DYSF: variants seen among roughly 807,000 people sequenced by gnomAD.
DYSF encodes the protein dysferlin.
DYSF carries 212 observed loss-of-function variants against 274.9 expected under a neutral mutation model. The observed-to-expected ratio is 0.77, with a 90% confidence interval of 0.69 to 0.86. The LOEUF (loss-of-function observed/expected upper bound fraction) is 0.86. DYSF is among the 40% of genes least tolerant of loss of function. The pLI is 0.00. For missense variants in DYSF, 2,666 were observed against 2,783.2 expected (o/e 0.96, Z 0.95); for synonymous variants, 1,091 against 1,078.7 (o/e 1.01, Z -0.22).
intron 46 of DYSF, 57 bp downstream of exon 46, chr2:71,664,495 T>C (rs887754478): frequency 4.4e-6 from 7 of 1,601,204 alleles, no homozygotes; most frequent in Middle Eastern, 4.0e-4. Flanking sequence ...CCCTGTCTTC[T>C]CTGACAACAC....
At position 71,481,903 on chromosome 2, in the gene DYSF, A is replaced by T; in HGVS notation, c.172A>T (p.Ile58Phe). Residue 58 changes from isoleucine to phenylalanine, a missense_variant, in exon 3 of 56, where the codon ATC (isoleucine) becomes TTC (phenylalanine). Physicochemically the swap from Ile to Phe is conservative, Grantham distance 21. Coordinates refer to ENST00000410020, the MANE Select transcript of DYSF (RefSeq NM_001130987.2). ...NEGFEWDLKG[I>F]PLDQGSELHV... ...GGGATTTGAATGGGACCTCAAGGGCATCCCCCTGGACCAGGGCTCTGAGCT... is the reference window on the plus strand; with the variant it reads ...GGGATTTGAATGGGACCTCAAGGGCTTCCCCCTGGACCAGGGCTCTGAGCT... 6.2e-7 allele frequency: 1 copy of T among 1,614,174 alleles called. No homozygotes were observed. Among genetic ancestry groups the T allele is most frequent in the Non-Finnish European group, 8.5e-7 (1 of 1,180,018 alleles).
intron 34 of DYSF, 146 bp from the exon 35 acceptor site, chr2:71,601,353 C>T (rs1408725132): frequency 2.8e-6 from 3 of 1,065,000 alleles, no homozygotes; most frequent in Non-Finnish European, 4.4e-6. Context: ...GGGCACAGTG[C>T]CAGCCTAGCA....
intron 17 of DYSF, among the ~76,000 whole-genome samples, chr2:71,545,190 C>T (rs1394207427): frequency 6.6e-6 from 1 of 152,130 alleles, no homozygotes; most frequent in East Asian, 1.9e-4. Flanking sequence ...ATTCCAAGGC[C>T]ATGTGGCAAG....
At chr2:71,460,938 GA>G (rs61178408) in intron 1 of DYSF, among the ~76,000 whole-genome samples, 5,094 of 126,072 alleles carry the variant, frequency 0.04, 241 homozygotes, top group African/African-American at 0.12. Context: ...TGATAGACAG[GA>G]AAAAAAAAAA....
intron 42 of DYSF, among the ~76,000 whole-genome samples, chr2:71,650,750 A>T (rs2094642271): frequency 6.6e-6 from 1 of 152,202 alleles, no homozygotes; most frequent in Non-Finnish European, 1.5e-5. Context: ...TCTACCTGGA[A>T]AATTAAAAAA....
chr2:71,660,709 C>A, intron 45 of DYSF, 58 bp downstream of exon 45: 1 of 1,421,448 alleles, frequency 7.0e-7, no homozygotes, highest in Non-Finnish European at 9.9e-7. Context: ...AACCCACAGT[C>A]TAGTGGGGGA....
At chr2:71,475,069 T>C (rs1420123748) in intron 1 of DYSF, among the ~76,000 whole-genome samples, 1 of 152,142 alleles carries the variant, frequency 6.6e-6, no homozygotes, top group Non-Finnish European at 1.5e-5. Context: ...TAAGGTCACA[T>C]AGTAGTGGCT....
chr2:71,640,473 A>C (rs1056590460), intron 41 of DYSF, among the ~76,000 whole-genome samples: 1 of 152,178 alleles, frequency 6.6e-6, no homozygotes, highest in African/African-American at 2.4e-5. Context: ...TCTTTGTTGC[A>C]AAGACTCAAC....
chr2:71,616,567 A>G (rs2093890052), intron 40 of DYSF, among the ~76,000 whole-genome samples: 1 of 152,066 alleles, frequency 6.6e-6, no homozygotes, highest in Non-Finnish European at 1.5e-5. Flanking sequence ...GTGGCATTGC[A>G]GGAATTGTGG....
At chr2:71,548,820 G>A (rs542781465) in intron 17 of DYSF, among the ~76,000 whole-genome samples, 25 of 152,248 alleles carry the variant, frequency 1.6e-4, no homozygotes, top group African/African-American at 4.6e-4. Flanking sequence ...TCCTGGACAC[G>A]GCCACTAGGT....
chr2:71,590,875 C>T (rs909438142), intron 32 of DYSF, among the ~76,000 whole-genome samples: 1 of 152,224 alleles, frequency 6.6e-6, no homozygotes, highest in African/African-American at 2.4e-5. Context: ...GTTCCCTCCT[C>T]TTTAATGTCA....
At chr2:71,526,415 C>CTGGGGGGGGGGG in intron 13 of DYSF, 69 bp downstream of exon 13, 1 of 411,242 alleles carries the variant, frequency 2.4e-6, no homozygotes, top group Non-Finnish European at 3.9e-6. Flanking sequence ...TGGGGGTGGG[C>CTGGGGGGGGGGG]GATGGCGGGC....
chr2:71,559,109 C>T (rs2091541196), intron 22 of DYSF, among the ~76,000 whole-genome samples: 1 of 152,194 alleles, frequency 6.6e-6, no homozygotes, highest in African/African-American at 2.4e-5. Flanking sequence ...CTCCCCCTTC[C>T]CCAGGGCTGG....
At chr2:71,511,256 C>T (rs2086063299) in intron 4 of DYSF, among the ~76,000 whole-genome samples, 1 of 152,228 alleles carries the variant, frequency 6.6e-6, no homozygotes, top group African/African-American at 2.4e-5. Context: ...CTCTGCAAGC[C>T]TGGCAGCACA....
chr2:71,489,237 C>T (rs2083611268), intron 3 of DYSF, among the ~76,000 whole-genome samples: 1 of 152,098 alleles, frequency 6.6e-6, no homozygotes, highest in Non-Finnish European at 1.5e-5. Flanking sequence ...CACTCAAAGT[C>T]CCACTGACCC....
chr2:71,505,177 G>T (rs1221911625), intron 4 of DYSF, among the ~76,000 whole-genome samples: 2 of 152,196 alleles, frequency 1.3e-5, no homozygotes, highest in Non-Finnish European at 2.9e-5. Flanking sequence ...TGGCATTAAG[G>T]TCACAGTGCA....
chr2:71,509,054 C>T (rs1446599680), intron 4 of DYSF, among the ~76,000 whole-genome samples: 1 of 151,976 alleles, frequency 6.6e-6, no homozygotes, highest in Non-Finnish European at 1.5e-5. Context: ...GGGGGTTTTA[C>T]CATGTTGGCC....
intron 41 of DYSF, among the ~76,000 whole-genome samples, chr2:71,634,492 A>G (rs2094364478): frequency 6.6e-6 from 1 of 152,192 alleles, no homozygotes; most frequent in Non-Finnish European, 1.5e-5. Context: ...TTCCCGGGGA[A>G]GAGAAGGGAG....
intron 41 of DYSF, among the ~76,000 whole-genome samples, chr2:71,638,472 A>G (rs577086956): frequency 5.3e-5 from 8 of 152,294 alleles, no homozygotes; most frequent in African/African-American, 1.7e-4. Flanking sequence ...AAAGAGGTTA[A>G]GTAGTGAGCA....
Sources: gnomAD v4.1 joint callset for allele counts (sites outside exome capture counted in the v4.1 genomes callset) on GRCh38, gnomAD v4.1.1 for gene constraint, MANE v1.5 for transcripts, NCBI Gene and HGNC (gene_info 2026-07-23, HGNC 2026-07-21) for gene names.